Variants in RANBP2 observed in about 807,000 individuals in gnomAD.
RANBP2 encodes E3 SUMO-protein ligase RanBP2.
RANBP2 carries 57 observed loss-of-function variants against 303.6 expected under a neutral mutation model. That is an observed-to-expected ratio of 0.19 (90% confidence interval 0.15 to 0.23). RANBP2 has a LOEUF of 0.23. RANBP2 is among the 10% of genes least tolerant of loss of function. The probability of loss-of-function intolerance (pLI) is 1.00; values close to 1 mark genes in which losing one functional copy is unlikely to be tolerated. For synonymous variants in RANBP2, 1,167 were observed against 1,301.5 expected, an observed-to-expected ratio of 0.90 and a Z score of 2.23; for missense variants, 3,138 against 3,780.8, an observed-to-expected ratio of 0.83 and a Z score of 4.46.
At chr2:109,014,376 C>T in the RANBP2 span, among the ~76,000 whole-genome samples, 1 of 152,196 alleles carries the variant, frequency 6.6e-6, no homozygotes, top group Non-Finnish European at 1.5e-5. Flanking sequence ...CAGGACCTCC[C>T]TGTAGTTTGC....
rs778484828 is a variant in RANBP2, at chr2:108,766,048, G to A, written c.5509G>A (p.Val1837Met). Residue 1837 changes from valine (V) to methionine (M), a missense_variant, in exon 20 of 29, where the codon GTG becomes ATG. By Grantham distance (21) the Val-to-Met change is conservative. Around this residue, in one of 20 missense-constraint regions of RANBP2, gnomAD observed 348 missense variants for 360.4 expected, o/e 0.97. Coordinates refer to ENST00000283195, the MANE Select transcript of RANBP2 (RefSeq NM_006267.5). ...MKLHDSSGSQ[V>M]GTGFKSNFSE... ...GTTGCATGACTCTTCTGGAAGTCAGGTGGGAACAGGATTTAAAAGTAATTT... is the reference window on the plus strand; with the variant it reads ...GTTGCATGACTCTTCTGGAAGTCAGATGGGAACAGGATTTAAAAGTAATTT... 8.7e-6 allele frequency: 14 copies of A among 1,614,064 alleles called. No homozygotes were observed. Among genetic ancestry groups the A allele is most frequent in the Non-Finnish European group, 1.2e-5 (14 of 1,180,012 alleles).
At chr2:109,034,270 C>CAAAAAA in the RANBP2 span, among the ~76,000 whole-genome samples, 5 of 38,106 alleles carry the variant, frequency 1.3e-4, no homozygotes, top group Non-Finnish European at 4.1e-5. Flanking sequence ...GACTCCATCT[C>CAAAAAA]AAAAAAAAAA....
chr2:108,753,638 G>A, intron 14 of RANBP2, 75 bp downstream of exon 14: 1 of 1,592,918 alleles, frequency 6.3e-7, no homozygotes. Context: ...GGGTTTCTCT[G>A]TTGGTCGGGC....
At chr2:108,916,624 G>A in the RANBP2 span, among the ~76,000 whole-genome samples, 2 of 152,202 alleles carry the variant, frequency 1.3e-5, no homozygotes, top group Non-Finnish European at 2.9e-5. Flanking sequence ...CAGGCTGCAG[G>A]TGTAGGCTGG....
the RANBP2 span, among the ~76,000 whole-genome samples, chr2:109,515,200 T>G: frequency 2.0e-5 from 3 of 152,178 alleles, no homozygotes; most frequent in Non-Finnish European, 2.9e-5. Context: ...GGGAATAGAC[T>G]AAATGGAAAC....
the RANBP2 span, among the ~76,000 whole-genome samples, chr2:109,163,503 A>G: frequency 7.6e-6 from 1 of 131,076 alleles, no homozygotes; most frequent in Non-Finnish European, 1.6e-5. Context: ...GGTTCACGCC[A>G]TTCTCCTGCC....
the RANBP2 span, chr2:109,615,993 G>A: frequency 1.3e-6 from 2 of 1,544,286 alleles, no homozygotes; most frequent in South Asian, 1.3e-5. Context: ...GGGGGAGGAG[G>A]GAGTGGGGGA....
the RANBP2 span, among the ~76,000 whole-genome samples, chr2:109,025,357 T>C: frequency 6.6e-6 from 1 of 152,214 alleles, no homozygotes; most frequent in African/African-American, 2.4e-5. Context: ...TTTGGGTATA[T>C]ATTAAGGAGT....
At chr2:108,949,911 A>T in the RANBP2 span, among the ~76,000 whole-genome samples, 1 of 152,248 alleles carries the variant, frequency 6.6e-6, no homozygotes, top group African/African-American at 2.4e-5. Context: ...CTATGAGCTC[A>T]TGGAGGCCAA....
the RANBP2 span, among the ~76,000 whole-genome samples, chr2:108,860,490 A>G: frequency 6.7e-6 from 1 of 149,824 alleles, no homozygotes; most frequent in Non-Finnish European, 1.5e-5. Context: ...GACTCTTATT[A>G]TTTCAATGCC....
At chr2:109,084,651 TG>T in the RANBP2 span, among the ~76,000 whole-genome samples, 1 of 152,160 alleles carries the variant, frequency 6.6e-6, no homozygotes, top group Non-Finnish European at 1.5e-5. Context: ...TTGTGCCAGC[TG>T]GGGTCCAGGT....
At chr2:109,306,138 A>G in the RANBP2 span, among the ~76,000 whole-genome samples, 2 of 152,200 alleles carry the variant, frequency 1.3e-5, no homozygotes, top group Non-Finnish European at 2.9e-5. Flanking sequence ...CAGGAAGCAG[A>G]TAACATTGTC....
chr2:109,158,648 A>G, the RANBP2 span, among the ~76,000 whole-genome samples: 1 of 152,218 alleles, frequency 6.6e-6, no homozygotes, highest in Non-Finnish European at 1.5e-5. Context: ...CTAAGTCGTG[A>G]GAGCATCCCT....
chr2:108,756,095 G>A (rs1020503173), intron 17 of RANBP2, among the ~76,000 whole-genome samples: 53 of 152,150 alleles, frequency 3.5e-4, no homozygotes, highest in Non-Finnish European at 7.2e-4. Context: ...ACCTTCAAAG[G>A]TAGAAACTGT....
At chr2:109,027,083 A>C in the RANBP2 span, among the ~76,000 whole-genome samples, 1 of 152,052 alleles carries the variant, frequency 6.6e-6, no homozygotes, top group Non-Finnish European at 1.5e-5. Context: ...CTCTACTAGA[A>C]ATACAAAAAT....
the RANBP2 span, among the ~76,000 whole-genome samples, chr2:109,242,815 CTCTGTG>C: frequency 2.0e-5 from 3 of 152,172 alleles, no homozygotes; most frequent in Admixed American, 6.5e-5. Flanking sequence ...GGGACCCTCA[CTCTGTG>C]GCCCAAATAG....
the RANBP2 span, among the ~76,000 whole-genome samples, chr2:109,010,330 C>A: frequency 6.6e-6 from 1 of 151,276 alleles, no homozygotes; most frequent in African/African-American, 2.4e-5. Context: ...CCCACCCCCC[C>A]AGCCTTCAAC....
chr2:109,201,086 C>A, the RANBP2 span, among the ~76,000 whole-genome samples: 5 of 152,238 alleles, frequency 3.3e-5, no homozygotes, highest in African/African-American at 1.2e-4. Context: ...CAGGGACTCT[C>A]AGTTCTCTCC....
At chr2:109,078,034 A>G in the RANBP2 span, among the ~76,000 whole-genome samples, 1 of 139,382 alleles carries the variant, frequency 7.2e-6, no homozygotes, top group Admixed American at 7.3e-5. Flanking sequence ...ATTACTCATA[A>G]TAGCCAAGAT....
Sources: allele counts gnomAD v4.1 joint callset (sites outside exome capture counted in the v4.1 genomes callset), GRCh38; gene constraint gnomAD v4.1.1; regional missense constraint gnomAD v4.1.1; transcripts MANE v1.5; gene names NCBI Gene and HGNC (gene_info 2026-07-23, HGNC 2026-07-21).